Variants in SLC25A21 observed in about 807,000 individuals in gnomAD.
SLC25A21 encodes the protein mitochondrial 2-oxodicarboxylate carrier.
SLC25A21 carries 47 observed loss-of-function variants against 43.8 expected under a neutral mutation model. The observed-to-expected ratio is 1.07, with a 90% confidence interval of 0.85 to 1.37. The LOEUF is 1.37. Ranked by LOEUF, SLC25A21 falls within the 40% of genes most tolerant of loss-of-function variation. The pLI is 0.00. For missense variants in SLC25A21, 352 were observed against 350.2 expected (o/e 1.00, Z -0.04); for synonymous variants, 131 against 121.3 (o/e 1.08, Z -0.52).
chr14:36,774,842 G>A (rs1886763925), intron 3 of SLC25A21, among the ~76,000 whole-genome samples: 1 of 152,104 alleles, frequency 6.6e-6, no homozygotes, highest in African/African-American at 2.4e-5. Flanking sequence ...TCTTACCTTA[G>A]TAATATATAT....
intron 1 of SLC25A21, chr14:37,171,976 G>A (rs2138964968): frequency 2.5e-6 from 1 of 404,090 alleles, no homozygotes; most frequent in East Asian, 3.8e-5. Context: ...CAAAAAGACC[G>A]CCTCAAAGTC....
rs112188764 is a variant in SLC25A21, at chr14:36,833,985, A to G, written c.120-19984T>C. Among the ~76,000 whole-genome samples the G allele has an allele frequency of 3.9e-3, 596 of 152,334 alleles. 5 individuals are homozygous for G. Among genetic ancestry groups the G allele is most frequent in the African/African-American group, 0.014 (583 of 41,572 alleles). Reference sequence around the variant, plus strand: ...TCTTGATTTCTTTGAAATATCTAGAACTAAAAAATTCTGTAAATTCTAGCG... The same window carrying G: ...TCTTGATTTCTTTGAAATATCTAGAGCTAAAAAATTCTGTAAATTCTAGCG... On this transcript the variant is annotated intron_variant, in intron 2 of 9. Transcript: ENST00000331299.
chr14:36,821,676 G>A (rs926683453), intron 2 of SLC25A21, among the ~76,000 whole-genome samples: 1 of 152,086 alleles, frequency 6.6e-6, no homozygotes, highest in African/African-American at 2.4e-5. Flanking sequence ...AATTAGCCGG[G>A]CGTGGTGGCA....
intron 1 of SLC25A21, among the ~76,000 whole-genome samples, chr14:36,902,426 G>A (rs1172441657): frequency 7.1e-6 from 1 of 140,646 alleles, no homozygotes; most frequent in African/African-American, 2.7e-5. Context: ...AAGGAGCGAA[G>A]TATCGTATAG....
At chr14:36,798,545 C>A (rs1424104471) in intron 3 of SLC25A21, among the ~76,000 whole-genome samples, 2 of 138,212 alleles carry the variant, frequency 1.4e-5, no homozygotes, top group Non-Finnish European at 1.6e-5. Context: ...TTTAGAAGGC[C>A]AGAGCTGGGT....
intron 1 of SLC25A21, among the ~76,000 whole-genome samples, chr14:37,076,969 C>T (rs941272798): frequency 7.2e-5 from 11 of 152,232 alleles, no homozygotes; most frequent in Middle Eastern, 3.4e-3. Flanking sequence ...ATAAAATTAA[C>T]GTAAAGTATG....
At chr14:36,779,604 GTATACA>G (rs1280697823) in intron 3 of SLC25A21, among the ~76,000 whole-genome samples, 103 of 51,894 alleles carry the variant, frequency 2.0e-3, no homozygotes, top group Admixed American at 8.9e-3. Flanking sequence ...ATGTATATGT[GTATACA>G]TATATATATA....
intron 3 of SLC25A21, among the ~76,000 whole-genome samples, chr14:36,776,011 T>C (rs1043712729): frequency 4.6e-5 from 7 of 152,094 alleles, no homozygotes; most frequent in Non-Finnish European, 8.8e-5. Context: ...CCTACCACTT[T>C]CACTGCTTTG....
chr14:36,696,725 G>GT (rs1883040322), intron 7 of SLC25A21, among the ~76,000 whole-genome samples: 2 of 152,180 alleles, frequency 1.3e-5, no homozygotes, highest in African/African-American at 4.8e-5. Context: ...TCTGATGGTA[G>GT]TTTGTATTTC....
At chr14:36,887,974 T>C (rs1890970288) in intron 1 of SLC25A21, among the ~76,000 whole-genome samples, 1 of 152,158 alleles carries the variant, frequency 6.6e-6, no homozygotes, top group South Asian at 2.1e-4. Context: ...GGCCAGGGTG[T>C]ATGCCACACT....
At chr14:36,783,329 G>A (rs1040953392) in intron 3 of SLC25A21, among the ~76,000 whole-genome samples, 2 of 152,084 alleles carry the variant, frequency 1.3e-5, no homozygotes, top group Non-Finnish European at 1.5e-5. Context: ...CACAGGTGAG[G>A]TGTACCAAGT....
intron 2 of SLC25A21, among the ~76,000 whole-genome samples, chr14:36,871,511 G>A (rs1890373229): frequency 6.6e-6 from 1 of 152,188 alleles, no homozygotes; most frequent in Non-Finnish European, 1.5e-5. Flanking sequence ...GAGATTTAAA[G>A]TTTGTTGATG....
At position 36,725,475 on chromosome 14, in the gene SLC25A21, CAAAATAAATAAATAAA is replaced by C. The variant is rs1164838087; in HGVS notation, c.438+79_438+94del. The C allele has an allele frequency of 3.8e-5, 19 of 496,584 alleles. No homozygotes were observed. In the African/African-American group the frequency reaches 4.1e-4, roughly 11 times the overall value. The allele number at this position is 496,584 out of a possible 1,614,324, so 30.8% of individuals were successfully genotyped here. A position where few individuals can be genotyped will look rare whatever the true frequency, so the allele number is the denominator to read the frequency against. ...GGGCAACAAGAGCAAAACTCTGTCCCAAAATAAATAAATAAATAAATAAATAAATAAATAAATAAAT... is the reference window on the plus strand; with the variant it reads ...GGGCAACAAGAGCAAAACTCTGTCCCTAAATAAATAAATAAATAAATAAAT... On this transcript the variant is annotated intron_variant, in intron 6 of 9. Transcript: ENST00000331299.
chr14:37,032,260 G>T (rs992389998), intron 1 of SLC25A21, among the ~76,000 whole-genome samples: 10 of 152,122 alleles, frequency 6.6e-5, no homozygotes, highest in Non-Finnish European at 1.2e-4. Context: ...TCCAAGCTGG[G>T]CGCGGTGGCT....
chr14:36,755,852 C>T (rs561646306), intron 3 of SLC25A21, among the ~76,000 whole-genome samples: 1 of 152,222 alleles, frequency 6.6e-6, no homozygotes, highest in South Asian at 2.1e-4. Flanking sequence ...CCAAGTGGGT[C>T]CATGTAACAG....
chr14:37,090,150 A>G (rs955748397), intron 1 of SLC25A21, among the ~76,000 whole-genome samples: 1 of 152,188 alleles, frequency 6.6e-6, no homozygotes, highest in African/African-American at 2.4e-5. Flanking sequence ...TTATTCTTAC[A>G]TGAAAAGCTC....
intron 1 of SLC25A21, among the ~76,000 whole-genome samples, chr14:37,070,463 CAT>C (rs575852211): frequency 6.3e-4 from 96 of 152,140 alleles, no homozygotes; most frequent in Non-Finnish European, 6.3e-4. Flanking sequence ...AATCAGAAAG[CAT>C]AGTTTGTATG....
chr14:37,170,196 C>T (rs1196116903), intron 1 of SLC25A21, among the ~76,000 whole-genome samples: 1 of 151,162 alleles, frequency 6.6e-6, no homozygotes, highest in Non-Finnish European at 1.5e-5. Flanking sequence ...CCACCAAGCC[C>T]AGCTGATTTT....
intron 1 of SLC25A21, among the ~76,000 whole-genome samples, chr14:37,003,578 T>C (rs73256271): frequency 0.086 from 13,163 of 152,240 alleles, 1,899 homozygotes; most frequent in African/African-American, 0.3. Flanking sequence ...ACACAGAAGT[T>C]ATAATGAATG....
Sources: gnomAD v4.1 joint callset for allele counts (sites outside exome capture counted in the v4.1 genomes callset) on GRCh38, gnomAD v4.1.1 for gene constraint, MANE v1.5 for transcripts, NCBI Gene and HGNC (gene_info 2026-07-23, HGNC 2026-07-21) for gene names.